The following TAFA5 variants were observed in gnomAD, a reference collection of about 807,000 sequenced individuals.
The protein encoded by TAFA5 is TAFA chemokine like family member 5.
Under a neutral mutation model 15.3 loss-of-function variants are expected in TAFA5, and 6 were observed. The ratio of observed to expected loss-of-function variants is 0.39; its 90% CI spans 0.21 to 0.77. The LOEUF is 0.77. Ranked by LOEUF, TAFA5 falls within the 30% of genes least tolerant of loss-of-function variation. The pLI is 0.41. For missense variants in TAFA5, 161 were observed against 193.1 expected (o/e 0.83, Z 0.98); for synonymous variants, 103 against 80.7 (o/e 1.28, Z -1.48).
chr22:48,660,850 C>T (rs1212863119), intron 2 of TAFA5, among the ~76,000 whole-genome samples: 1 of 152,148 alleles, frequency 6.6e-6, no homozygotes, highest in Non-Finnish European at 1.5e-5. Flanking sequence ...AGCAGACACT[C>T]TCAGAGCTCC....
At chr22:48,562,543 G>A (rs531341269) in intron 1 of TAFA5, among the ~76,000 whole-genome samples, 1 of 151,390 alleles carries the variant, frequency 6.6e-6, no homozygotes, top group South Asian at 2.1e-4. Context: ...CGTATCAGCA[G>A]CAAGCCCAGT....
At chr22:48,658,692 G>A (rs1314741056) in intron 2 of TAFA5, among the ~76,000 whole-genome samples, 1 of 152,258 alleles carries the variant, frequency 6.6e-6, no homozygotes, top group African/African-American at 2.4e-5. Context: ...CAGCTGGAGA[G>A]TGGGGGCACT....
At chr22:48,499,506 G>A (rs1920941621) in intron 1 of TAFA5, among the ~76,000 whole-genome samples, 1 of 152,150 alleles carries the variant, frequency 6.6e-6, no homozygotes, top group Non-Finnish European at 1.5e-5. Context: ...GCCTAGCACC[G>A]ACGTGCCCTT....
At chr22:48,638,300 C>CGT (rs1926526009) in intron 1 of TAFA5, among the ~76,000 whole-genome samples, 1 of 143,108 alleles carries the variant, frequency 7.0e-6, no homozygotes, top group Non-Finnish European at 1.5e-5. Flanking sequence ...CTAAGCCACA[C>CGT]ATAGGCAACA....
intron 1 of TAFA5, among the ~76,000 whole-genome samples, chr22:48,637,335 T>C (rs576090447): frequency 2.8e-4 from 42 of 150,120 alleles, no homozygotes; most frequent in African/African-American, 1.0e-3. Flanking sequence ...TGTGCACACA[T>C]GTGCCCATGG....
At chr22:48,748,911 T>C (rs1352493463) in intron 3 of TAFA5, among the ~76,000 whole-genome samples, 1 of 152,100 alleles carries the variant, frequency 6.6e-6, no homozygotes, top group African/African-American at 2.4e-5. Context: ...CTCAGAACTT[T>C]CAGCAGGGCC....
chr22:48,703,150 G>C (rs1308597762), intron 2 of TAFA5, among the ~76,000 whole-genome samples: 2 of 152,112 alleles, frequency 1.3e-5, no homozygotes, highest in Non-Finnish European at 2.9e-5. Context: ...AAATGGGCAT[G>C]TGTGTGCCTG....
At chr22:48,713,203 T>G (rs1185284258) in intron 3 of TAFA5, among the ~76,000 whole-genome samples, 2 of 152,220 alleles carry the variant, frequency 1.3e-5, no homozygotes, top group Admixed American at 6.5e-5. Context: ...ATGGTTCTAT[T>G]CGGGAACTCG....
chr22:48,565,728 G>T lies in TAFA5; in HGVS notation c.112+76024G>T, dbSNP rs138115255. 1.6e-3 allele frequency among the ~76,000 whole-genome samples: 250 copies of T among 152,362 alleles called. 1 individual carries two copies. The highest frequency in any genetic ancestry group is 9.7e-3 in the South Asian group (47 of 4,828). On this transcript the variant is annotated intron_variant, in intron 1 of 3. Coordinates refer to ENST00000402357, the MANE Select transcript of TAFA5 (RefSeq NM_001082967.3). ...TCAGCTCTCAGGAACACACATGCTG[G>T]CTTCAGCCATGGAGCTTGCCTTATG... is the stretch of plus-strand genomic sequence containing the variant.
At chr22:48,504,136 AG>A (rs935199088) in intron 1 of TAFA5, among the ~76,000 whole-genome samples, 2 of 152,144 alleles carry the variant, frequency 1.3e-5, no homozygotes, top group Non-Finnish European at 2.9e-5. Flanking sequence ...ACCGAGCTTT[AG>A]GGGTGCGGGC....
intron 1 of TAFA5, among the ~76,000 whole-genome samples, chr22:48,498,268 T>C (rs1437977568): frequency 1.7e-5 from 1 of 57,464 alleles, no homozygotes; most frequent in East Asian, 4.7e-4. Context: ...AAGAGTGGGG[T>C]GGGGCCCACC....
At chr22:48,698,328 T>C (rs898844387) in intron 2 of TAFA5, among the ~76,000 whole-genome samples, 23 of 151,344 alleles carry the variant, frequency 1.5e-4, no homozygotes, top group African/African-American at 4.9e-4. Context: ...ATACAAAAAT[T>C]AGCTGGGTGT....
chr22:48,558,519 C>A (rs1399955848), intron 1 of TAFA5, among the ~76,000 whole-genome samples: 1 of 152,156 alleles, frequency 6.6e-6, no homozygotes, highest in Non-Finnish European at 1.5e-5. Context: ...GAGAGTTGGG[C>A]TCCTGTGGGT....
At chr22:48,635,706 G>A (rs1057467935) in intron 1 of TAFA5, among the ~76,000 whole-genome samples, 5 of 152,312 alleles carry the variant, frequency 3.3e-5, no homozygotes, top group African/African-American at 1.2e-4. Context: ...GGTGCAGCCT[G>A]GGGACCTGCG....
intron 3 of TAFA5, among the ~76,000 whole-genome samples, chr22:48,728,565 T>C (rs1929772257): frequency 6.6e-6 from 1 of 152,232 alleles, no homozygotes; most frequent in Non-Finnish European, 1.5e-5. Context: ...TGAACAATAT[T>C]ATATATGCAT....
chr22:48,610,890 C>G (rs1459767524), intron 1 of TAFA5, among the ~76,000 whole-genome samples: 2 of 152,050 alleles, frequency 1.3e-5, no homozygotes, highest in African/African-American at 4.8e-5. Flanking sequence ...TGACTTGTGT[C>G]CCTCCCACTC....
At position 48,566,962 on chromosome 22, in the gene TAFA5, A is replaced by G. The variant is rs1390152175; in HGVS notation, c.112+77258A>G. Among the ~76,000 whole-genome samples the G allele has an allele frequency of 6.6e-6, 1 of 152,098 alleles. No homozygotes were observed. Among genetic ancestry groups the G allele is most frequent in the African/African-American group, 2.4e-5 (1 of 41,402 alleles). On this transcript the variant is annotated intron_variant, in intron 1 of 3. Transcript: ENST00000402357. This position sits in a 1 kb window ranked among gnomAD's most constrained non-coding sequence, Gnocchi z 4.5. ...TGCTCCGCAGCACTGCTGCCTGCGG[A>G]CTGGCCGCACTGGATTCCCCTTTCC...
At chr22:48,619,717 T>C (rs1036420954) in intron 1 of TAFA5, among the ~76,000 whole-genome samples, 2 of 152,340 alleles carry the variant, frequency 1.3e-5, no homozygotes, top group African/African-American at 4.8e-5. Context: ...ACTCAGGGCC[T>C]CAGTCTGGCA....
At chr22:48,739,536 G>A (rs1041140285) in intron 3 of TAFA5, among the ~76,000 whole-genome samples, 1 of 152,172 alleles carries the variant, frequency 6.6e-6, no homozygotes, top group African/African-American at 2.4e-5. Flanking sequence ...TTCAGCCCGA[G>A]GACACCTGCA....
Sources: allele counts gnomAD v4.1 joint callset (sites outside exome capture counted in the v4.1 genomes callset), GRCh38; gene constraint gnomAD v4.1.1; non-coding constraint Gnocchi (gnomAD v3.1); transcripts MANE v1.5; gene names NCBI Gene and HGNC (gene_info 2026-07-23, HGNC 2026-07-21).